Variants in APPBP2 observed in about 807,000 individuals in gnomAD.
APPBP2 encodes the protein amyloid beta precursor protein binding protein 2, also known as amyloid protein-binding protein 2.
In APPBP2, 15 loss-of-function variants were observed where a neutral mutation model predicts 76.0. That is an observed-to-expected ratio of 0.20 (90% confidence interval 0.13 to 0.30). The LOEUF (loss-of-function observed/expected upper bound fraction) is 0.30, where lower values mean the gene tolerates loss of function less well. APPBP2 is among the 10% of genes least tolerant of loss of function. The pLI is 1.00. For missense variants in APPBP2, 401 were observed against 687.2 expected, an observed-to-expected ratio of 0.58 and a Z score of 4.66; for synonymous variants, 222 against 242.2, an observed-to-expected ratio of 0.92 and a Z score of 0.77.
Position 60,525,927 on chromosome 17 carries a change from G to T in APPBP2, c.5C>A (p.Ala2Glu). Residue 2 changes from alanine (A) to glutamate (E), a missense_variant, in exon 1 of 13, where the codon GCG becomes GAG. This residue lies in a region of APPBP2 where 149 missense variants were observed against 198.4 expected (regional missense o/e 0.75). Coordinates refer to ENST00000083182, the MANE Select transcript of APPBP2 (RefSeq NM_006380.5). ...TGGGATCCACTCTAGTTCCACGGCC[G>T]CCATCTTCCTTCCCTCCTCCTCCGC... M[A>E]AVELEWIPET... is the part of the protein sequence containing the mutation. 6.2e-7 allele frequency: 1 copy of T among 1,609,722 alleles called. No individual in the cohort carries two copies. Among genetic ancestry groups the T allele is most frequent in the Non-Finnish European group, 8.5e-7 (1 of 1,178,132 alleles).
intron 1 of APPBP2, among the ~76,000 whole-genome samples, chr17:60,525,449 G>A (rs766842594): frequency 1.3e-5 from 2 of 152,168 alleles, no homozygotes; most frequent in East Asian, 1.9e-4. Flanking sequence ...GGAGAGGATG[G>A]AAAATATCCT....
At chr17:60,463,856 TTA>T (rs1344137295) in intron 6 of APPBP2, among the ~76,000 whole-genome samples, 163 bp downstream of exon 6, 1 of 152,226 alleles carries the variant, frequency 6.6e-6, no homozygotes, top group Non-Finnish European at 1.5e-5. Flanking sequence ...TGATATAGTT[TTA>T]GTTAGAAACC....
At chr17:60,467,409 T>G (rs2090519678) in intron 4 of APPBP2, among the ~76,000 whole-genome samples, 1 of 152,228 alleles carries the variant, frequency 6.6e-6, no homozygotes, top group Non-Finnish European at 1.5e-5. Flanking sequence ...GACAATCTTT[T>G]AATCTCTATC....
At position 60,448,871 on chromosome 17, in the gene APPBP2, A is replaced by G. The variant is rs1251073682; in HGVS notation, c.1505-1037T>C. On this transcript the variant is annotated intron_variant, in intron 12 of 12. Transcript: ENST00000083182. ...TGGGTAGAAGAAATCAGAGAAAATT[A>G]TATGTATCTGGACATATCTTTCTGT... Among the ~76,000 whole-genome samples, 10 of 152,208 alleles carry G rather than the reference A, an allele frequency of 6.6e-5. No homozygotes were observed. In the East Asian group the frequency reaches 1.7e-3, roughly 26 times the overall value.
intron 3 of APPBP2, among the ~76,000 whole-genome samples, chr17:60,485,624 T>C (rs139982258): frequency 0.016 from 2,373 of 152,284 alleles, 65 homozygotes; most frequent in African/African-American, 0.053. Flanking sequence ...GGTCTATCAA[T>C]TTTGTTGATC....
chr17:60,469,744 T>C (rs564748848), intron 4 of APPBP2, among the ~76,000 whole-genome samples: 1 of 152,358 alleles, frequency 6.6e-6, no homozygotes, highest in Admixed American at 6.5e-5. Flanking sequence ...TATGTGTATA[T>C]ATGTAAATGC....
intron 1 of APPBP2, among the ~76,000 whole-genome samples, chr17:60,519,433 C>T (rs766688515): frequency 3.3e-5 from 5 of 151,774 alleles, no homozygotes; most frequent in Non-Finnish European, 5.9e-5. Flanking sequence ...AAGTGAGATA[C>T]GGTCGGTCTC....
At chr17:60,499,332 CAAA>C (rs879508554) in intron 2 of APPBP2, among the ~76,000 whole-genome samples, 2 of 126,986 alleles carry the variant, frequency 1.6e-5, no homozygotes, top group Non-Finnish European at 1.7e-5. Flanking sequence ...GACTGTGTCT[CAAA>C]AAAAAAAAAA....
intron 3 of APPBP2, among the ~76,000 whole-genome samples, chr17:60,488,290 G>A (rs2090697407): frequency 6.6e-6 from 1 of 152,166 alleles, no homozygotes; most frequent in Non-Finnish European, 1.5e-5. Flanking sequence ...AGAAGTTTCT[G>A]CTGCCTTTTG....
chr17:60,525,752 G>A, intron 1 of APPBP2, 42 bp downstream of exon 1: 1 of 1,611,760 alleles, frequency 6.2e-7, no homozygotes, highest in Non-Finnish European at 8.5e-7. Flanking sequence ...GCGGCCCCCG[G>A]GGTTGCTGGA....
intron 1 of APPBP2, among the ~76,000 whole-genome samples, chr17:60,516,279 T>C (rs932490862): frequency 6.6e-6 from 1 of 152,184 alleles, no homozygotes; most frequent in Non-Finnish European, 1.5e-5. Context: ...ATCCCATTAG[T>C]TAATGTGGTT....
chr17:60,517,713 T>C (rs901209481), intron 1 of APPBP2, among the ~76,000 whole-genome samples: 1 of 152,214 alleles, frequency 6.6e-6, no homozygotes, highest in Non-Finnish European at 1.5e-5. Flanking sequence ...TTCTGGACTG[T>C]CGATTTTGAT....
At chr17:60,472,224 G>A (rs73326484) in intron 4 of APPBP2, among the ~76,000 whole-genome samples, 12,517 of 152,226 alleles carry the variant, frequency 0.082, 1,705 homozygotes, top group African/African-American at 0.28. Flanking sequence ...ATTTCCTGGA[G>A]GAGTTTGAGA....
At chr17:60,513,277 A>G (rs1455889835) in intron 1 of APPBP2, 4 of 482,818 alleles carry the variant, frequency 8.3e-6, no homozygotes, top group African/African-American at 2.0e-5. Context: ...ACACAATCAC[A>G]GCTCAATCAA....
rs528146213 is a variant in APPBP2 at position 60,447,245 on chromosome 17, TTAAA to T, written c.*332_*335del. 5 of 199,512 alleles carry T rather than the reference TTAAA, an allele frequency of 2.5e-5. No homozygotes were observed. The South Asian group carries it at 4.3e-4, about 17-fold the overall frequency. The allele number at this position is 199,512 out of a possible 1,614,324, so 12.4% of individuals were successfully genotyped here. On this transcript the variant is annotated 3_prime_UTR_variant, in exon 13 of 13. Coordinates refer to ENST00000083182, the MANE Select transcript of APPBP2 (RefSeq NM_006380.5). ...ATAAGAATGCAACTCTTTTAAACTC[TTAAA>T]TAGTTTTATTTAGGGGTATTTTTTT...
In APPBP2 at chr17:60,447,541, G is replaced by A. The variant is rs773305800; in HGVS notation, c.*40C>T. On this transcript the variant is annotated 3_prime_UTR_variant, in exon 13 of 13. Transcript: ENST00000083182. ...TTTGATTTCACAGTATGAATTCCCTGGAATCCGGGAAAAGGTAATTGGTTA... is the reference window on the plus strand; with the variant it reads ...TTTGATTTCACAGTATGAATTCCCTAGAATCCGGGAAAAGGTAATTGGTTA... 1.9e-6 allele frequency: 3 copies of A among 1,557,866 alleles called. No individual in the cohort carries two copies. Among genetic ancestry groups the A allele is most frequent in the Non-Finnish European group, 2.6e-6 (3 of 1,153,950 alleles).
At chr17:60,470,655 G>GCAA in intron 4 of APPBP2, among the ~76,000 whole-genome samples, 1 of 152,166 alleles carries the variant, frequency 6.6e-6, no homozygotes, top group South Asian at 2.1e-4. Context: ...TTGGCTCACT[G>GCAA]CAACCTCTGC....
intron 1 of APPBP2, among the ~76,000 whole-genome samples, chr17:60,521,609 G>T (rs1201748644): frequency 6.8e-6 from 1 of 148,090 alleles, no homozygotes; most frequent in African/African-American, 2.7e-5. Context: ...GAAGAATGGG[G>T]TCTCGCTTTA....
intron 4 of APPBP2, among the ~76,000 whole-genome samples, chr17:60,478,322 GA>G (rs1184484759): frequency 6.6e-6 from 1 of 151,928 alleles, no homozygotes; most frequent in Non-Finnish European, 1.5e-5. Context: ...GTAACATGCA[GA>G]AAAAAATAAG....
Sources: gnomAD v4.1 joint callset for allele counts (sites outside exome capture counted in the v4.1 genomes callset) on GRCh38, gnomAD v4.1.1 for gene constraint, gnomAD v4.1.1 regional missense constraint, MANE v1.5 for transcripts, NCBI Gene and HGNC (gene_info 2026-07-23, HGNC 2026-07-21) for gene names.